MAP3K15: variants seen among roughly 807,000 people sequenced by gnomAD.
The protein encoded by MAP3K15 is mitogen-activated protein kinase kinase kinase 15.
MAP3K15 carries 124 observed loss-of-function variants against 99.5 expected under a neutral mutation model. The observed-to-expected ratio is 1.25, with a 90% CI of 1.08 to 1.45. MAP3K15 has a LOEUF of 1.45. MAP3K15 is among the 40% of genes most tolerant of loss of function. The pLI, the probability that MAP3K15 is intolerant of heterozygous loss-of-function variation, is 0.00. For missense variants in MAP3K15, 1,242 were observed against 1,079.7 expected (o/e 1.15, Z -2.11); for synonymous variants, 494 against 439.6 (o/e 1.12, Z -1.55).
intron 3 of MAP3K15, among the ~76,000 whole-genome samples, chrX:19,472,230 A>AATAATT (rs2064212955): frequency 8.7e-4 from 2 of 2,310 alleles, no homozygotes; most frequent in Non-Finnish European, 1.6e-3. Context: ...TCTCAAAAAT[A>AATAATT]ATAATAATAA....
chrX:19,435,115 A>T (rs2063911648), intron 6 of MAP3K15, among the ~76,000 whole-genome samples: 1 of 112,389 alleles, frequency 8.9e-6, no homozygotes, highest in Non-Finnish European at 1.9e-5. Context: ...AATATGAAAA[A>T]GATTGAAACT....
At chrX:19,398,907 A>G (rs1230415942) in intron 14 of MAP3K15, among the ~76,000 whole-genome samples, 3 of 111,786 alleles carry the variant, frequency 2.7e-5, no homozygotes, top group Non-Finnish European at 5.6e-5. Flanking sequence ...TTGTTCCCCC[A>G]TCTTCCCATC....
chrX:19,485,290 C>A (rs780240162), intron 3 of MAP3K15, among the ~76,000 whole-genome samples: 51 of 73,081 alleles, frequency 7.0e-4, no homozygotes, highest in Non-Finnish European at 9.5e-4. Context: ...GCCTGGCTGA[C>A]AGAGCGAGAC....
chrX:19,367,202 G>A (rs28583725), intron 25 of MAP3K15, among the ~76,000 whole-genome samples: 4,631 of 111,297 alleles, frequency 0.042, 123 homozygotes, highest in South Asian at 0.12. Context: ...GAATGGAGCC[G>A]GAGGCCATTA....
chrX:19,464,318 G>A lies in MAP3K15; in HGVS notation c.614C>T (p.Ala205Val), dbSNP rs1245344036. 3.3e-6 allele frequency: 4 copies of A among 1,198,879 alleles called. No homozygotes were observed. Among genetic ancestry groups the A allele is most frequent in the Admixed American group, 2.2e-5 (1 of 45,932 alleles). ...CCAGTTGGGCTGCATGTACTCGGAG[G>A]CTCGTCTCTGGGCATCACTCTCGCA... ...FCCESDAQRR[A>V]SEYMQPNWDN... Residue 205 changes from alanine to valine, a missense_variant, in exon 4 of 29, where the codon GCC (alanine) becomes GTC (valine). By Grantham distance (64) the Ala-to-Val change is moderately conservative (BLOSUM62 0). Coordinates refer to ENST00000338883, the MANE Select transcript of MAP3K15 (RefSeq NM_001001671.4).
intron 5 of MAP3K15, among the ~76,000 whole-genome samples, chrX:19,458,045 C>T (rs750373937): frequency 4.4e-5 from 5 of 112,405 alleles, no homozygotes; most frequent in African/African-American, 1.6e-4. Context: ...GCAGTGCCGC[C>T]TGTTACTCTT....
chrX:19,370,689 G>A (rs369525371), intron 24 of MAP3K15, among the ~76,000 whole-genome samples: 3 of 106,250 alleles, frequency 2.8e-5, no homozygotes, highest in Non-Finnish European at 5.9e-5. Context: ...GAGCCACCGC[G>A]TCCGGCCCCA....
intron 13 of MAP3K15, 132 bp downstream of exon 13, chrX:19,407,056 G>A: frequency 2.4e-6 from 1 of 409,139 alleles, no homozygotes; most frequent in Non-Finnish European, 4.1e-6. Context: ...AGAAATTTTA[G>A]AGCTTTTTTG....
At position 19,507,156 on chromosome X, in the gene MAP3K15, G is replaced by A. The variant is rs773930507; in HGVS notation, c.361+7745C>T. 2.5e-4 allele frequency among the ~76,000 whole-genome samples: 28 copies of A among 111,696 alleles called. No individual in the cohort carries two copies. In the South Asian group the frequency reaches 0.01, roughly 41 times the overall value. ...ACAACTAACCACCTAACTATTCTAA[G>A]AGTAAACAAAACGGTGTACTCCATG... On this transcript the variant is annotated intron_variant, in intron 1 of 28. Coordinates refer to ENST00000338883, the MANE Select transcript of MAP3K15 (RefSeq NM_001001671.4).
intron 6 of MAP3K15, among the ~76,000 whole-genome samples, chrX:19,437,238 C>G (rs1278751897): frequency 1.8e-5 from 2 of 111,684 alleles, no homozygotes; most frequent in Non-Finnish European, 3.8e-5. Context: ...ACTTACCTCT[C>G]TACTATCTAG....
intron 3 of MAP3K15, among the ~76,000 whole-genome samples, chrX:19,474,777 A>G (rs1311328379): frequency 9.0e-6 from 1 of 111,360 alleles, no homozygotes; most frequent in Non-Finnish European, 1.9e-5. Flanking sequence ...TCCAAATATT[A>G]TGACAGTTTT....
At chrX:19,511,884 C>T (rs2064521054) in intron 1 of MAP3K15, among the ~76,000 whole-genome samples, 1 of 112,247 alleles carries the variant, frequency 8.9e-6, no homozygotes, top group South Asian at 3.7e-4. Context: ...TTTACTGCAG[C>T]ACTATTTACA....
chrX:19,441,787 T>C (rs1309057454), intron 6 of MAP3K15, among the ~76,000 whole-genome samples: 2 of 111,698 alleles, frequency 1.8e-5, no homozygotes, highest in Admixed American at 1.9e-4. Flanking sequence ...GTATGAGAAT[T>C]ACATCTCAGC....
intron 9 of MAP3K15, among the ~76,000 whole-genome samples, chrX:19,418,416 T>C (rs2063755028): frequency 9.0e-6 from 1 of 111,474 alleles, no homozygotes; most frequent in Non-Finnish European, 1.9e-5. Context: ...GGTAGCCGAT[T>C]CGATCAACTG....
intron 9 of MAP3K15, among the ~76,000 whole-genome samples, chrX:19,419,227 A>G (rs1217687402): frequency 8.9e-6 from 1 of 112,090 alleles, no homozygotes; most frequent in East Asian, 2.8e-4. Context: ...TGCCCCAATT[A>G]AAAGACACAG....
Position 19,488,835 on chromosome X carries a change from G to T in MAP3K15, c.494C>A (p.Ser165Tyr). ...AAGGTGAATACACTGTACCTTCAAA[G>T]AGAGAGCAGTGTCGGCATCGGTGTC... is the stretch of plus-strand genomic sequence containing the variant. The part of the protein sequence containing the change: ...YHDTDADTAL[S>Y]LKDMVTQKNT... The change falls in exon 2 of 29, where the codon TCT (serine) becomes TAT (tyrosine). Residue 165 changes from serine (S) to tyrosine (Y), a missense_variant. By Grantham distance (144) the Ser-to-Tyr change is moderately radical. Transcript: ENST00000338883. 6 of 1,199,019 alleles carry T rather than the reference G, an allele frequency of 5.0e-6. No individual in the cohort carries two copies. Among genetic ancestry groups the T allele is most frequent in the Non-Finnish European group, 6.7e-6 (6 of 894,231 alleles).
intron 6 of MAP3K15, among the ~76,000 whole-genome samples, chrX:19,436,165 A>AAAAG (rs1555955769): frequency 1.7e-4 from 18 of 106,060 alleles, no homozygotes; most frequent in African/African-American, 6.3e-4. Flanking sequence ...AAAAAAAAAA[A>AAAAG]AAAGAAAGAA....
At chrX:19,489,988 A>T (rs983996939) in intron 1 of MAP3K15, among the ~76,000 whole-genome samples, 2 of 111,015 alleles carry the variant, frequency 1.8e-5, no homozygotes, top group Non-Finnish European at 3.8e-5. Context: ...GTGAACTCAG[A>T]TCGTGCCACT....
At chrX:19,480,042 A>G (rs2064277980) in intron 3 of MAP3K15, among the ~76,000 whole-genome samples, 1 of 112,413 alleles carries the variant, frequency 8.9e-6, no homozygotes, top group South Asian at 3.7e-4. Context: ...AAGAGTATCC[A>G]AAAGAATAAA....
Sources: gnomAD v4.1 joint callset for allele counts (sites outside exome capture counted in the v4.1 genomes callset) on GRCh38, gnomAD v4.1.1 for gene constraint, MANE v1.5 for transcripts, NCBI Gene and HGNC (gene_info 2026-07-23, HGNC 2026-07-21) for gene names.